The following LTAP1 variants were observed in gnomAD, a reference collection of about 807,000 sequenced individuals.
LTAP1 encodes HCV NS5A-transactivated protein 4.
chr1:154,213,936 G>C, the LTAP1 span: 110 of 1,612,822 alleles, frequency 6.8e-5, 4 homozygotes, highest in South Asian at 1.0e-3. Context: ...TATACAGATA[G>C]TTGTAGCAAC....
the LTAP1 span, among the ~76,000 whole-genome samples, chr1:154,216,102 G>C: frequency 2.0e-5 from 3 of 152,228 alleles, no homozygotes; most frequent in African/African-American, 7.2e-5. Context: ...CTCCCAAAGT[G>C]CTGGGATTAC....
chr1:154,215,200 G>C, the LTAP1 span, among the ~76,000 whole-genome samples: 4 of 151,968 alleles, frequency 2.6e-5, no homozygotes, highest in Admixed American at 6.6e-5. Flanking sequence ...CTAGCTAGAG[G>C]CTACTTTAAA....
At chr1:154,212,627 G>A in the LTAP1 span, 1 of 1,613,776 alleles carries the variant, frequency 6.2e-7, no homozygotes, top group Non-Finnish European at 8.5e-7. Context: ...TGGGATCTCT[G>A]TGGAGAAAAC....
At chr1:154,219,713 TACAAGG>T in the LTAP1 span, 6 of 761,142 alleles carry the variant, frequency 7.9e-6, no homozygotes, top group Non-Finnish European at 1.3e-5. Flanking sequence ...ACTTAGTAAG[TACAAGG>T]ACAAGTGCAC....
At chr1:154,219,688 C>G in the LTAP1 span, 1 of 635,092 alleles carries the variant, frequency 1.6e-6, no homozygotes. Flanking sequence ...TTCCAAAGCG[C>G]ACAGTGCCTG....
At chr1:154,209,844 C>T in the LTAP1 span, among the ~76,000 whole-genome samples, 1 of 152,024 alleles carries the variant, frequency 6.6e-6, no homozygotes, top group Non-Finnish European at 1.5e-5. Flanking sequence ...CCCGCCTCGG[C>T]CTCTCCAAGT....
chr1:154,217,563 C>T, the LTAP1 span, among the ~76,000 whole-genome samples: 3 of 152,056 alleles, frequency 2.0e-5, no homozygotes, highest in Admixed American at 6.6e-5. Flanking sequence ...GACAGAGTCT[C>T]GCTCTGTCAC....
the LTAP1 span, chr1:154,214,533 C>G: frequency 3.7e-6 from 6 of 1,613,952 alleles, no homozygotes; most frequent in Non-Finnish European, 5.1e-6. Flanking sequence ...ACTTGATATC[C>G]TGAACCCTGG....
chr1:154,212,789 T>G, the LTAP1 span: 2 of 666,638 alleles, frequency 3.0e-6, no homozygotes, highest in Non-Finnish European at 5.0e-6. Context: ...AGCCTCCTGA[T>G]TAGCTGGGAT....
the LTAP1 span, chr1:154,219,719 G>C: frequency 1.3e-6 from 1 of 790,298 alleles, no homozygotes; most frequent in South Asian, 1.8e-5. Flanking sequence ...TAAGTACAAG[G>C]ACAAGTGCAC....
the LTAP1 span, chr1:154,220,215 A>T: frequency 8.6e-7 from 1 of 1,160,072 alleles, no homozygotes. Flanking sequence ...CTACTCCTGG[A>T]ATAAGGAGTC....
chr1:154,212,769 C>A, the LTAP1 span: 1 of 804,020 alleles, frequency 1.2e-6, no homozygotes, highest in Admixed American at 2.5e-5. Context: ...TTGAGCAATT[C>A]TCTAGTCTCA....
the LTAP1 span, chr1:154,207,377 G>A: frequency 7.0e-7 from 1 of 1,426,112 alleles, no homozygotes. Context: ...GATGTTCCGA[G>A]GGCGGCCCGG....
chr1:154,211,537 T>C, the LTAP1 span, among the ~76,000 whole-genome samples: 13 of 149,064 alleles, frequency 8.7e-5, no homozygotes, highest in Non-Finnish European at 1.8e-4. Context: ...GGGTTTCACC[T>C]TGTTGGCTAG....
chr1:154,214,549 C>A, the LTAP1 span: 4 of 1,612,286 alleles, frequency 2.5e-6, no homozygotes, highest in South Asian at 1.1e-5. Flanking sequence ...CCTGGAGAGT[C>A]GAATATCAAT....
chr1:154,207,524 T>G, the LTAP1 span: 1 of 1,614,108 alleles, frequency 6.2e-7, no homozygotes, highest in African/African-American at 1.3e-5. Flanking sequence ...TTGGCACGTT[T>G]ACTCTTCTGA....
At chr1:154,218,771 C>A in the LTAP1 span, among the ~76,000 whole-genome samples, 1 of 152,180 alleles carries the variant, frequency 6.6e-6, no homozygotes, top group Admixed American at 6.5e-5. Context: ...TGCCTGCATT[C>A]TTGAAGCTTA....
At chr1:154,219,967 TA>T in the LTAP1 span, 1 of 1,524,414 alleles carries the variant, frequency 6.6e-7, no homozygotes. Context: ...AATCCTTTAA[TA>T]AAAAGTCAGT....
At chr1:154,215,523 G>A in the LTAP1 span, among the ~76,000 whole-genome samples, 9 of 148,540 alleles carry the variant, frequency 6.1e-5, no homozygotes, top group African/African-American at 2.2e-4. Flanking sequence ...CCGAGATTGC[G>A]CCACTGCACT....
Sources: gnomAD v4.1 joint callset for allele counts (sites outside exome capture counted in the v4.1 genomes callset) on GRCh38, gnomAD v4.1.1 for gene constraint, MANE v1.5 for transcripts, NCBI Gene and HGNC (gene_info 2026-07-23, HGNC 2026-07-21) for gene names.